KCNQ1: variants seen among roughly 807,000 people sequenced by gnomAD.
KCNQ1 encodes potassium voltage-gated channel subfamily KQT member 1.
KCNQ1 carries 49 observed loss-of-function variants against 72.4 expected under a neutral mutation model. That is an observed-to-expected ratio of 0.68 (90% confidence interval 0.54 to 0.86). KCNQ1 has a LOEUF of 0.86. KCNQ1 is among the 40% of genes least tolerant of loss of function. The pLI, the probability that KCNQ1 is intolerant of heterozygous loss-of-function variation, is 0.00. For missense variants in KCNQ1, 790 were observed against 945.1 expected (o/e 0.84, Z 2.15); for synonymous variants, 450 against 412.6 (o/e 1.09, Z -1.10).
At chr11:2,804,482 G>A (rs983472795) in intron 15 of KCNQ1, among the ~76,000 whole-genome samples, 2 of 152,236 alleles carry the variant, frequency 1.3e-5, no homozygotes, top group African/African-American at 2.4e-5. Flanking sequence ...AGGGATGGAG[G>A]CCGGAACAGA....
At chr11:2,751,491 GTC>G (rs1846224573) in intron 11 of KCNQ1, among the ~76,000 whole-genome samples, 1 of 152,250 alleles carries the variant, frequency 6.6e-6, no homozygotes, top group Non-Finnish European at 1.5e-5. Context: ...GGGGACTTGC[GTC>G]TCAGTGCAGA....
chr11:2,532,900 G>C (rs1847664624), intron 2 of KCNQ1, among the ~76,000 whole-genome samples: 2 of 152,152 alleles, frequency 1.3e-5, no homozygotes, highest in African/African-American at 4.8e-5. Flanking sequence ...GGGGAGGTAC[G>C]AGAAGCAAAG....
chr11:2,792,495 ACT>A (rs1411002959), intron 15 of KCNQ1, among the ~76,000 whole-genome samples: 1 of 151,842 alleles, frequency 6.6e-6, no homozygotes, highest in African/African-American at 2.4e-5. Context: ...CCCAAGAGAA[ACT>A]CTCTCCCTCA....
Position 2,537,348 on chromosome 11 carries a change from A to C in KCNQ1, c.477+9330A>C, listed in dbSNP as rs79950297. On this transcript the variant is annotated intron_variant, in intron 2 of 15. Coordinates refer to ENST00000155840, the MANE Select transcript of KCNQ1 (RefSeq NM_000218.3). This position sits in a 1 kb window ranked among gnomAD's most constrained non-coding sequence, Gnocchi z 5.2. ...CCTGACCTTCCAGGAAAGGTTTGCC[A>C]CGCTATTTATTTAGCAGGATAATTT... Among the ~76,000 whole-genome samples, 2 of 152,074 alleles carry C rather than the reference A, an allele frequency of 1.3e-5. No homozygotes were observed. The highest frequency in any genetic ancestry group is 3.9e-4 in the East Asian group (2 of 5,190).
rs1315583403 is a variant in KCNQ1, at chr11:2,612,346, T to C, written c.1393+23492T>C. 1.8e-5 allele frequency: 7 copies of C among 398,456 alleles called. No homozygotes were observed. Among genetic ancestry groups the C allele is most frequent in the South Asian group, 1.3e-4 (1 of 7,858 alleles). 24.7% of individuals were successfully genotyped at this position (398,456 alleles called of 1,614,324 possible). A position where few individuals can be genotyped will look rare whatever the true frequency, so the allele number is the denominator to read the frequency against. On this transcript the variant is annotated intron_variant, in intron 10 of 15. Coordinates refer to ENST00000155840, the MANE Select transcript of KCNQ1 (RefSeq NM_000218.3). The surrounding 1 kb of genome is among the most constrained non-coding windows in gnomAD (Gnocchi z 5.5). ...CCTCCCCCAACTGGCTGTGGAAAAATTGTCTTCCACAAAACTGGTCCCTCA... is the reference window on the plus strand; with the variant it reads ...CCTCCCCCAACTGGCTGTGGAAAAACTGTCTTCCACAAAACTGGTCCCTCA...
chr11:2,733,814 A>ACACACACACACACACCCTCT, intron 11 of KCNQ1, among the ~76,000 whole-genome samples: 2 of 86,612 alleles, frequency 2.3e-5, no homozygotes, highest in Non-Finnish European at 4.8e-5. Flanking sequence ...ACACACACAC[A>ACACACACACACACACCCTCT]CTCTCTCACT....
In KCNQ1 at chr11:2,661,899, C is replaced by A. The variant is rs1590014759; in HGVS notation, c.1394-62C>A. Reference sequence around the variant, plus strand: ...TGGCCCTGGGAGCTCACAGGCCTGGCTCCACAGCACTGGCAGGTTGGGTGG... The same window carrying A: ...TGGCCCTGGGAGCTCACAGGCCTGGATCCACAGCACTGGCAGGTTGGGTGG... On this transcript the variant is annotated intron_variant, in intron 10 of 15. Transcript: ENST00000155840. This position sits in a 1 kb window ranked among gnomAD's most constrained non-coding sequence, Gnocchi z 5.9. The A allele has an allele frequency of 6.2e-7, 1 of 1,610,424 alleles. No homozygotes were observed. The highest frequency in any genetic ancestry group is 1.1e-5 in the South Asian group (1 of 90,992).
rs1303816734 is a variant in KCNQ1 at position 2,509,372 on chromosome 11, C to T, written c.387-18556C>T. ...TCTCTGCACCCCTTGCCTGGCAAAC[C>T]CCATCTTCCTGTCCAAAGCCAGACT... On this transcript the variant is annotated intron_variant, in intron 1 of 15. Coordinates refer to ENST00000155840, the MANE Select transcript of KCNQ1 (RefSeq NM_000218.3). The surrounding 1 kb of genome is among the most constrained non-coding windows in gnomAD (Gnocchi z 6.3). Among the ~76,000 whole-genome samples the T allele has an allele frequency of 6.6e-6, 1 of 152,180 alleles. No individual in the cohort carries two copies. Among genetic ancestry groups the T allele is most frequent in the Admixed American group, 6.5e-5 (1 of 15,274 alleles).
chr11:2,774,608 G>A (rs1231025984), intron 12 of KCNQ1, among the ~76,000 whole-genome samples: 1 of 152,182 alleles, frequency 6.6e-6, no homozygotes, highest in East Asian at 1.9e-4. Context: ...ATGTTGGGCG[G>A]GCTGTAAGAA....
rs1232909566 is a variant in KCNQ1, at chr11:2,659,668, G to A, written c.1394-2293G>A. ...TGTATGTTTAACTTAATAAGAAATT[G>A]CTAAACTATTTCCTAAAGTCACTGT... On this transcript the variant is annotated intron_variant, in intron 10 of 15. Coordinates refer to ENST00000155840, the MANE Select transcript of KCNQ1 (RefSeq NM_000218.3). The surrounding 1 kb of genome is among the most constrained non-coding windows in gnomAD (Gnocchi z 4.3). 2.5e-6 allele frequency: 1 copy of A among 398,350 alleles called. No homozygotes were observed. The highest frequency in any genetic ancestry group is 4.4e-6 in the Non-Finnish European group (1 of 226,006). The allele number at this position is 398,350 out of a possible 1,614,324, so 24.7% of individuals were successfully genotyped here. A position where few individuals can be genotyped will look rare whatever the true frequency, so the allele number is the denominator to read the frequency against.
At chr11:2,777,822 G>T in intron 14 of KCNQ1, 154 bp from the exon 15 acceptor site, 1 of 681,470 alleles carries the variant, frequency 1.5e-6, no homozygotes, top group Non-Finnish European at 2.6e-6. Flanking sequence ...TGGTATTTTT[G>T]TCATAGCATG....
intron 11 of KCNQ1, among the ~76,000 whole-genome samples, chr11:2,756,441 T>TAAAAAAAAAAAAAAA (rs59499292): frequency 1.5e-5 from 2 of 137,244 alleles, no homozygotes; most frequent in Non-Finnish European, 1.6e-5. Flanking sequence ...TTACTAAAAT[T>TAAAAAAAAAAAAAAA]AAAAAAAAAA....
chr11:2,777,075 T>C lies in KCNQ1; in HGVS notation c.1732+43T>C, dbSNP rs81204. 367,977 of 1,598,214 alleles carry C rather than the reference T, an allele frequency of 0.23. 43,008 individuals are homozygous for C. Among genetic ancestry groups the C allele is most frequent in the Non-Finnish European group, 0.24 (276,046 of 1,166,496 alleles). On this transcript the variant is annotated intron_variant, in intron 14 of 15. Coordinates refer to ENST00000155840, the MANE Select transcript of KCNQ1 (RefSeq NM_000218.3). ...TTACTCTGGGCCCAGCAGCCTGCAA[T>C]GGACTCTCCCGCACCTCTGCCCTCC...
At chr11:2,837,899 G>A (rs1426743234) in intron 15 of KCNQ1, among the ~76,000 whole-genome samples, 1 of 152,204 alleles carries the variant, frequency 6.6e-6, no homozygotes, top group Non-Finnish European at 1.5e-5. Context: ...CAGCAGGGAT[G>A]CCTCAAAGGT....
chr11:2,736,881 G>A (rs1845967479), intron 11 of KCNQ1, among the ~76,000 whole-genome samples: 1 of 152,214 alleles, frequency 6.6e-6, no homozygotes. Context: ...ACAGTCACAG[G>A]TGGGGAGTGG....
Position 2,544,669 on chromosome 11 carries a change from G to T in KCNQ1, c.477+16651G>T, listed in dbSNP as rs767911402. 6.6e-6 allele frequency among the ~76,000 whole-genome samples: 1 copy of T among 152,026 alleles called. No homozygotes were observed. Among genetic ancestry groups the T allele is most frequent in the Non-Finnish European group, 1.5e-5 (1 of 68,000 alleles). ...TTTTGACAAATTTATCTTGAATCTTGCAACCTTTCTAAACTCATTTGTTCC... is the reference window on the plus strand; with the variant it reads ...TTTTGACAAATTTATCTTGAATCTTTCAACCTTTCTAAACTCATTTGTTCC... On this transcript the variant is annotated intron_variant, in intron 2 of 15. Coordinates refer to ENST00000155840, the MANE Select transcript of KCNQ1 (RefSeq NM_000218.3). This position sits in a 1 kb window ranked among gnomAD's most constrained non-coding sequence, Gnocchi z 4.4.
intron 6 of KCNQ1, among the ~76,000 whole-genome samples, chr11:2,582,103 C>T (rs553602693): frequency 3.4e-4 from 51 of 152,212 alleles, no homozygotes; most frequent in Non-Finnish European, 6.5e-4. Flanking sequence ...CATCACTGTT[C>T]GTTAACGTGC....
rs999940237 is a variant in KCNQ1, at chr11:2,600,482, A to G, written c.1393+11628A>G. 2.0e-5 allele frequency among the ~76,000 whole-genome samples: 3 copies of G among 152,230 alleles called. No homozygotes were observed. The highest frequency in any genetic ancestry group is 4.4e-5 in the Non-Finnish European group (3 of 68,036). On this transcript the variant is annotated intron_variant, in intron 10 of 15. Transcript: ENST00000155840. The surrounding 1 kb of genome is among the most constrained non-coding windows in gnomAD (Gnocchi z 5.6). ...ACCCCTTTCTCTACATTATATTCACATAACATGTTTTTCTGAAACATCTGT... is the reference window on the plus strand; with the variant it reads ...ACCCCTTTCTCTACATTATATTCACGTAACATGTTTTTCTGAAACATCTGT...
Position 2,505,525 on chromosome 11 carries a change from T to C in KCNQ1, c.387-22403T>C, listed in dbSNP as rs1350521140. ...GTTAAGTCCTCTATTCTGTAACTTA[T>C]CTTCTGCCTGGTTGTTCTATTCATT... On this transcript the variant is annotated intron_variant, in intron 1 of 15. Coordinates refer to ENST00000155840, the MANE Select transcript of KCNQ1 (RefSeq NM_000218.3). 2.0e-5 allele frequency among the ~76,000 whole-genome samples: 3 copies of C among 152,346 alleles called. No individual in the cohort carries two copies. The East Asian group carries it at 5.8e-4, about 29-fold the overall frequency.
Sources: gnomAD v4.1 joint callset for allele counts (sites outside exome capture counted in the v4.1 genomes callset) on GRCh38, gnomAD v4.1.1 for gene constraint, Gnocchi (gnomAD v3.1) non-coding constraint, MANE v1.5 for transcripts, NCBI Gene and HGNC (gene_info 2026-07-23, HGNC 2026-07-21) for gene names.